Variants in DMD observed in about 807,000 individuals in gnomAD.
DMD encodes the protein dystrophin.
Under a neutral mutation model 330.1 loss-of-function variants are expected in DMD, and 63 were observed. The observed-to-expected ratio is 0.19, with a 90% confidence interval of 0.16 to 0.24. The LOEUF is 0.24. DMD is among the 10% of genes least tolerant of loss of function. The probability of loss-of-function intolerance (pLI) is 1.00; values close to 1 mark genes in which losing one functional copy is unlikely to be tolerated. For synonymous variants in DMD, 1,223 were observed against 959.8 expected (o/e 1.27, Z -5.07); for missense variants, 3,344 against 2,684.1 (o/e 1.25, Z -5.43).
chrX:32,134,726 G>A (rs1016354864), intron 44 of DMD, among the ~76,000 whole-genome samples: 1 of 111,736 alleles, frequency 8.9e-6, no homozygotes, highest in African/African-American at 3.3e-5. Flanking sequence ...GGAACCAGAC[G>A]TTGTTATTGC....
chrX:31,146,583 G>C (rs1030908051), intron 75 of DMD, among the ~76,000 whole-genome samples, 169 bp from the exon 76 acceptor site: 6 of 112,188 alleles, frequency 5.3e-5, no homozygotes, highest in Non-Finnish European at 3.8e-5. Context: ...ATAATCCATA[G>C]AAACTGTCTT....
At chrX:32,257,982 A>C (rs760994170) in intron 43 of DMD, among the ~76,000 whole-genome samples, 2 of 109,213 alleles carry the variant, frequency 1.8e-5, no homozygotes, top group South Asian at 7.7e-4. Flanking sequence ...AAAAAAAAAA[A>C]CCCATCAGAA....
At chrX:31,727,591 A>G (rs1052586944) in intron 52 of DMD, among the ~76,000 whole-genome samples, 1 of 111,952 alleles carries the variant, frequency 8.9e-6, no homozygotes, top group Non-Finnish European at 1.9e-5. Context: ...TCTGGACACA[A>G]AAGATGGAAG....
At chrX:32,494,851 A>T (rs1262115289) in intron 19 of DMD, among the ~76,000 whole-genome samples, 2 of 111,327 alleles carry the variant, frequency 1.8e-5, no homozygotes, top group Non-Finnish European at 3.8e-5. Context: ...AGGTGTATTT[A>T]TACATTTTTT....
At chrX:32,253,784 C>G in intron 43 of DMD, among the ~76,000 whole-genome samples, 1 of 106,654 alleles carries the variant, frequency 9.4e-6, no homozygotes, top group South Asian at 4.3e-4. Context: ...CCACCAAGCC[C>G]GGCTAATTTT....
chrX:32,849,701 T>C, intron 3 of DMD, 27 bp downstream of exon 3: 2 of 1,090,198 alleles, frequency 1.8e-6, no homozygotes, highest in Non-Finnish European at 1.3e-6. Context: ...AGTTTAAAGT[T>C]AACTTTCTTA....
At chrX:31,909,898 AT>A (rs202019133) in intron 47 of DMD, among the ~76,000 whole-genome samples, 7,899 of 112,185 alleles carry the variant, frequency 0.07, 432 homozygotes, top group African/African-American at 0.19. Flanking sequence ...AGAGATTTTT[AT>A]TTTTTCTTTC....
intron 2 of DMD, among the ~76,000 whole-genome samples, chrX:32,862,839 C>A (rs1012636094): frequency 9.0e-6 from 1 of 110,731 alleles, no homozygotes; most frequent in Non-Finnish European, 1.9e-5. Flanking sequence ...CAGGTTCAAG[C>A]GATTCTCCTG....
At chrX:31,930,193 C>T (rs1351672108) in intron 46 of DMD, among the ~76,000 whole-genome samples, 1 of 110,630 alleles carries the variant, frequency 9.0e-6, no homozygotes, top group African/African-American at 3.3e-5. Context: ...TCAATATACA[C>T]AGTGCCAGGC....
At chrX:31,689,071 C>T (rs1400324426) in intron 52 of DMD, among the ~76,000 whole-genome samples, 1 of 111,713 alleles carries the variant, frequency 9.0e-6, no homozygotes, top group Non-Finnish European at 1.9e-5. Flanking sequence ...GACAGGGATG[C>T]CCTCTCTCAC....
At chrX:32,361,284 T>A (rs2097833126) in intron 37 of DMD, among the ~76,000 whole-genome samples, 1 of 111,763 alleles carries the variant, frequency 8.9e-6, no homozygotes, top group Admixed American at 9.7e-5. Flanking sequence ...CAATACATTC[T>A]TTCAAAACTT....
chrX:32,460,904 A>C (rs1231137009), intron 25 of DMD, among the ~76,000 whole-genome samples: 9 of 111,908 alleles, frequency 8.0e-5, no homozygotes, highest in Non-Finnish European at 1.7e-4. Context: ...TTCACCACTA[A>C]ACTATTATCT....
intron 29 of DMD, among the ~76,000 whole-genome samples, chrX:32,424,716 C>T (rs2098204318): frequency 9.4e-6 from 1 of 106,038 alleles, no homozygotes; most frequent in Admixed American, 1.0e-4. Context: ...CCGATCCTGA[C>T]ATTTTGGGAA....
intron 44 of DMD, among the ~76,000 whole-genome samples, chrX:32,025,529 GAC>G (rs915280145): frequency 9.0e-6 from 1 of 111,664 alleles, no homozygotes; most frequent in Non-Finnish European, 1.9e-5. Context: ...GCTGATTTAG[GAC>G]ATTTTGTTAC....
At chrX:32,487,193 C>A (rs2042567521) in intron 20 of DMD, among the ~76,000 whole-genome samples, 1 of 111,575 alleles carries the variant, frequency 9.0e-6, no homozygotes, top group African/African-American at 3.3e-5. Flanking sequence ...GGGCGAAGGG[C>A]ATGCTATTCT....
chrX:33,073,408 G>C (rs188350691), intron 1 of DMD, among the ~76,000 whole-genome samples: 1 of 111,907 alleles, frequency 8.9e-6, no homozygotes, highest in Non-Finnish European at 1.9e-5. Flanking sequence ...TGTATGTAAG[G>C]AGAATGAGTC....
intron 66 of DMD, among the ~76,000 whole-genome samples, chrX:31,204,938 T>A (rs930874174): frequency 8.9e-6 from 1 of 112,075 alleles, no homozygotes; most frequent in African/African-American, 3.2e-5. Context: ...TTCTAATTAA[T>A]AGCTCACATC....
chrX:32,242,116 T>C (rs985589092), intron 43 of DMD, among the ~76,000 whole-genome samples: 2 of 112,173 alleles, frequency 1.8e-5, no homozygotes, highest in Non-Finnish European at 3.8e-5. Flanking sequence ...CAAATTTCCT[T>C]GGTAACTGCA....
intron 47 of DMD, among the ~76,000 whole-genome samples, chrX:31,892,796 C>T (rs749238601): frequency 2.4e-3 from 264 of 112,074 alleles, no homozygotes; most frequent in African/African-American, 7.7e-3. Flanking sequence ...CCTATTAGAT[C>T]ACCAGTGTAT....
Sources: gnomAD v4.1 joint callset for allele counts (sites outside exome capture counted in the v4.1 genomes callset) on GRCh38, gnomAD v4.1.1 for gene constraint, MANE v1.5 for transcripts, NCBI Gene and HGNC (gene_info 2026-07-23, HGNC 2026-07-21) for gene names.